The following RAB6B variants were observed in gnomAD, a reference collection of about 807,000 sequenced individuals.
RAB6B encodes ras-related protein Rab-6B.
Under a neutral mutation model 31.2 loss-of-function variants are expected in RAB6B, and 7 were observed. The ratio of observed to expected loss-of-function variants is 0.22; its 90% confidence interval spans 0.13 to 0.42. The LOEUF (loss-of-function observed/expected upper bound fraction) is 0.42. Among genes scored for constraint, RAB6B ranks in the 10% least tolerant of loss-of-function variants. The pLI, the probability that RAB6B is intolerant of heterozygous loss-of-function variation, is 1.00. For missense variants in RAB6B, 149 were observed against 280.6 expected (o/e 0.53, Z 3.35); for synonymous variants, 105 against 104.9 (o/e 1.00, Z -0.01).
At chr3:133,841,422 G>C in intron 3 of RAB6B, 32 bp from the exon 4 acceptor site, 1 of 1,607,440 alleles carries the variant, frequency 6.2e-7, no homozygotes, top group Non-Finnish European at 8.5e-7. Flanking sequence ...CATGGGCAGA[G>C]GGGTCAGTGG....
intron 1 of RAB6B, among the ~76,000 whole-genome samples, chr3:133,870,100 T>C (rs577285923): frequency 1.3e-5 from 2 of 152,282 alleles, no homozygotes; most frequent in South Asian, 4.1e-4. Flanking sequence ...GGGTCATTTA[T>C]AAAGGAAACA....
chr3:133,837,486 T>C (rs1382763192), intron 6 of RAB6B, among the ~76,000 whole-genome samples: 1 of 152,214 alleles, frequency 6.6e-6, no homozygotes, highest in Admixed American at 6.5e-5. Flanking sequence ...GCACTGCTAA[T>C]GTGACTGAGT....
intron 1 of RAB6B, among the ~76,000 whole-genome samples, chr3:133,880,513 C>T (rs905720425): frequency 1.5e-4 from 23 of 152,238 alleles, no homozygotes; most frequent in African/African-American, 5.5e-4. Flanking sequence ...CAGGCTGATG[C>T]AGGCAAGGCA....
At chr3:133,891,229 G>A (rs948062933) in intron 1 of RAB6B, among the ~76,000 whole-genome samples, 2 of 152,168 alleles carry the variant, frequency 1.3e-5, no homozygotes, top group African/African-American at 2.4e-5. Flanking sequence ...AGAGGAATGG[G>A]CTGAAAGTAC....
intron 2 of RAB6B, among the ~76,000 whole-genome samples, chr3:133,851,248 T>C (rs1576398402): frequency 6.6e-6 from 1 of 152,328 alleles, no homozygotes; most frequent in South Asian, 2.1e-4. Flanking sequence ...GGTAAATACA[T>C]GCATGGGTCA....
At chr3:133,869,439 C>T (rs919537981) in intron 1 of RAB6B, among the ~76,000 whole-genome samples, 2 of 152,210 alleles carry the variant, frequency 1.3e-5, no homozygotes, top group African/African-American at 2.4e-5. Flanking sequence ...ATGGCACAGG[C>T]CATGTCAGCC....
intron 1 of RAB6B, among the ~76,000 whole-genome samples, chr3:133,870,250 C>T (rs1351430749): frequency 6.6e-6 from 1 of 152,104 alleles, no homozygotes; most frequent in Non-Finnish European, 1.5e-5. Context: ...ATGTCAGATG[C>T]TTATAAAACC....
At chr3:133,841,172 G>C (rs989626533) in intron 4 of RAB6B, 113 bp downstream of exon 4, 1 of 703,268 alleles carries the variant, frequency 1.4e-6, no homozygotes, top group African/African-American at 2.4e-5. Flanking sequence ...GCACACACAT[G>C]CGTGTGCACA....
chr3:133,840,467 G>A (rs1365456345), intron 4 of RAB6B, among the ~76,000 whole-genome samples: 1 of 152,222 alleles, frequency 6.6e-6, no homozygotes, highest in Non-Finnish European at 1.5e-5. Context: ...CCTGCACTCA[G>A]GTGTGGAGGG....
chr3:133,830,590 T>G (rs1935641876), intron 7 of RAB6B, among the ~76,000 whole-genome samples: 1 of 152,148 alleles, frequency 6.6e-6, no homozygotes, highest in Non-Finnish European at 1.5e-5. Context: ...AATGTCCTCA[T>G]TCCTTGGGCC....
intron 2 of RAB6B, among the ~76,000 whole-genome samples, chr3:133,846,130 C>T (rs933226083): frequency 6.6e-6 from 1 of 152,066 alleles, no homozygotes; most frequent in African/African-American, 2.4e-5. Flanking sequence ...ACTCCTAGGA[C>T]AATATCAAGT....
intron 2 of RAB6B, among the ~76,000 whole-genome samples, chr3:133,851,892 G>A (rs1321987242): frequency 6.6e-6 from 1 of 152,158 alleles, no homozygotes; most frequent in African/African-American, 2.4e-5. Flanking sequence ...CCCAGCTAGG[G>A]TAGCCACTAA....
intron 2 of RAB6B, among the ~76,000 whole-genome samples, chr3:133,842,355 C>T (rs1935848487): frequency 1.3e-5 from 2 of 152,268 alleles, no homozygotes; most frequent in Non-Finnish European, 2.9e-5. Context: ...ACCCACCACT[C>T]ACTTGCTGTG....
chr3:133,895,516 G>A lies in RAB6B; in HGVS notation c.-50C>T. The A allele has an allele frequency of 1.3e-6, 2 of 1,588,078 alleles. No individual in the cohort carries two copies. Among genetic ancestry groups the A allele is most frequent in the Non-Finnish European group, 8.6e-7 (1 of 1,158,958 alleles). On this transcript the variant is annotated 5_prime_UTR_variant, in exon 1 of 8. Transcript: ENST00000285208. ...AGGAGGAGGAGGAAAAAGCGAAGGAGCAGGGAGGGGAGAGTAGGAGGGCGA... is the reference window on the plus strand; with the variant it reads ...AGGAGGAGGAGGAAAAAGCGAAGGAACAGGGAGGGGAGAGTAGGAGGGCGA...
Position 133,864,587 on chromosome 3 carries a change from G to A in RAB6B, c.126C>T (p.Tyr42=), listed in dbSNP as rs1351032782. ...GGGTGAGCACCCAGGACCTCACCTG[G>A]TATGTGTTGTCGAAGCTGTCGTACA... The part of the protein sequence containing the change: ...RFMYDSFDNT[Y]QATIGIDFLS... Residue 42 remains tyrosine (Y), a synonymous_variant, in exon 2 of 8, where the codon TAC becomes TAT. Coordinates refer to ENST00000285208, the MANE Select transcript of RAB6B (RefSeq NM_016577.4). The A allele has an allele frequency of 6.2e-6, 10 of 1,614,000 alleles. No homozygotes were observed. Among genetic ancestry groups the A allele is most frequent in the East Asian group, 2.2e-5 (1 of 44,884 alleles).
At chr3:133,838,410 C>T in intron 5 of RAB6B, 151 bp from the exon 6 acceptor site, 2 of 705,572 alleles carry the variant, frequency 2.8e-6, no homozygotes, top group African/African-American at 3.5e-5. Context: ...CCCTCCCGGG[C>T]ACCAACCACA....
intron 2 of RAB6B, among the ~76,000 whole-genome samples, chr3:133,855,876 T>C (rs977304950): frequency 2.0e-5 from 3 of 152,144 alleles, no homozygotes; most frequent in African/African-American, 7.2e-5. Flanking sequence ...AATTTGGCTT[T>C]CCCAGCCTCT....
intron 4 of RAB6B, 126 bp from the exon 5 acceptor site, chr3:133,839,743 T>TG: frequency 1.4e-6 from 1 of 739,518 alleles, no homozygotes; most frequent in Non-Finnish European, 2.4e-6. Flanking sequence ...CAGGGAGGGG[T>TG]GTGAGCTCAG....
Position 133,841,385 on chromosome 3 carries a change from T to G in RAB6B, c.189A>C (p.Arg63=). ...KTMYLEDRTV[R]LQLWDTAGQE... Reference sequence around the variant, plus strand: ...GACCAGCTGTGTCCCAGAGCTGCAGTCGCACCTGTCTCAGGGAGGGCAGGA... The same window carrying G: ...GACCAGCTGTGTCCCAGAGCTGCAGGCGCACCTGTCTCAGGGAGGGCAGGA... The change falls in exon 4 of 8, where the codon CGA becomes CGC. Residue 63 remains arginine, a synonymous_variant. Transcript: ENST00000285208. 1.2e-6 allele frequency: 2 copies of G among 1,613,980 alleles called. No homozygotes were observed. The highest frequency in any genetic ancestry group is 1.7e-6 in the Non-Finnish European group (2 of 1,179,978).
Sources: gnomAD v4.1 joint callset for allele counts (sites outside exome capture counted in the v4.1 genomes callset) on GRCh38, gnomAD v4.1.1 for gene constraint, MANE v1.5 for transcripts, NCBI Gene and HGNC (gene_info 2026-07-23, HGNC 2026-07-21) for gene names.